CLUAP1: variants seen among roughly 807,000 people sequenced by gnomAD.
CLUAP1 encodes the protein intraflagellar transport 38, also known as clusterin-associated protein 1.
In CLUAP1, 50 loss-of-function variants were observed where a neutral mutation model predicts 55.0. That is an observed-to-expected ratio of 0.91 (90% CI 0.72 to 1.15). The LOEUF is 1.15. CLUAP1 is among the 50% of genes most tolerant of loss of function. CLUAP1 has a pLI of 0.00. For synonymous variants in CLUAP1, 195 were observed against 175.4 expected, an observed-to-expected ratio of 1.11 and a Z score of -0.88; for missense variants, 530 against 507.6, an observed-to-expected ratio of 1.04 and a Z score of -0.42.
rs2037877568 is a variant in CLUAP1 at position 3,523,367 on chromosome 16, A to AT, written c.855+72dup. On this transcript the variant is annotated intron_variant, in intron 8 of 11. Coordinates refer to ENST00000576634, the MANE Select transcript of CLUAP1 (RefSeq NM_015041.3). Reference sequence around the variant, plus strand: ...GTTATTTTGTACTGGGTGACAGGTCATTTTGTTAATATCATTGTGAAAAAA... The same window carrying AT: ...GTTATTTTGTACTGGGTGACAGGTCATTTTTGTTAATATCATTGTGAAAAAA... The AT allele has an allele frequency of 4.7e-6, 7 of 1,487,584 alleles. No homozygotes were observed. In the South Asian group the frequency reaches 9.5e-5, roughly 20 times the overall value. 92.1% of individuals were successfully genotyped at this position (1,487,584 alleles called of 1,614,324 possible).
At chr16:3,520,434 G>A (rs2037812355) in intron 7 of CLUAP1, among the ~76,000 whole-genome samples, 1 of 151,952 alleles carries the variant, frequency 6.6e-6, no homozygotes, top group Non-Finnish European at 1.5e-5. Flanking sequence ...AGAATAGAAT[G>A]TGATCTTAAC....
intron 7 of CLUAP1, among the ~76,000 whole-genome samples, chr16:3,522,873 C>T (rs1335495609): frequency 6.6e-6 from 1 of 151,900 alleles, no homozygotes; most frequent in Non-Finnish European, 1.5e-5. Context: ...AGCGCTTATA[C>T]CTGGTGATGG....
chr16:3,517,664 G>A (rs903746574), intron 6 of CLUAP1, among the ~76,000 whole-genome samples: 1 of 152,140 alleles, frequency 6.6e-6, no homozygotes, highest in Admixed American at 6.5e-5. Context: ...TCAGGGAGAA[G>A]CCTGCCAGTC....
chr16:3,536,099 C>T (rs1056496868), intron 11 of CLUAP1, 23 bp from the exon 12 acceptor site: 2 of 1,612,220 alleles, frequency 1.2e-6, no homozygotes, highest in Admixed American at 1.7e-5. Context: ...TCCCCCGTTG[C>T]ATCTGCCATT....
At position 3,530,676 on chromosome 16, in the gene CLUAP1, G is replaced by T; in HGVS notation, c.1036+1G>T. On this transcript the variant is annotated splice_donor_variant, in intron 10 of 11. Coordinates refer to ENST00000576634, the MANE Select transcript of CLUAP1 (RefSeq NM_015041.3). LOFTEE classifies it high-confidence loss of function. The stretch of plus-strand genomic sequence containing the variant: ...ACAGCCATGGAGATGCTCATGCAAG[G>T]TACCCCGGCGTCTTTCGCTGGACTT... 6.2e-7 allele frequency: 1 copy of T among 1,612,814 alleles called. No individual in the cohort carries two copies. The highest frequency in any genetic ancestry group is 2.2e-5 in the East Asian group (1 of 44,852).
At position 3,538,074 on chromosome 16, in the gene CLUAP1, AAGTC is replaced by A. The variant is rs1454084562; in HGVS notation, c.*1806_*1809del. 2 of 151,924 alleles carry A rather than the reference AAGTC, an allele frequency of 1.3e-5. No individual in the cohort carries two copies. Among genetic ancestry groups the A allele is most frequent in the Non-Finnish European group, 2.9e-5 (2 of 67,990 alleles). 9.4% of individuals were successfully genotyped at this position (151,924 alleles called of 1,614,324 possible). A position where few individuals can be genotyped will look rare whatever the true frequency, so the allele number is the denominator to read the frequency against. On this transcript the variant is annotated 3_prime_UTR_variant, in exon 12 of 12. Transcript: ENST00000576634. ...AGTTTTCACTTATTTTACAATTAAA[AAGTC>A]AGAAGACTTCTGAAGTTACTTATCT...
chr16:3,501,242 G>A (rs916071808), intron 1 of CLUAP1, among the ~76,000 whole-genome samples, 153 bp downstream of exon 1: 3 of 152,256 alleles, frequency 2.0e-5, no homozygotes, highest in African/African-American at 7.2e-5. Context: ...ACCCGCGGCT[G>A]CAACCCGGCC....
At chr16:3,500,285 G>A (rs1454712388), upstream of CLUAP1, among the ~76,000 whole-genome samples, 1 of 152,142 alleles carries the variant, frequency 6.6e-6, no homozygotes, top group African/African-American at 2.4e-5. Flanking sequence ...CAGTGATCCC[G>A]TCCTCCGCTC....
intron 6 of CLUAP1, among the ~76,000 whole-genome samples, chr16:3,519,467 G>A (rs903020810): frequency 6.6e-6 from 1 of 152,222 alleles, no homozygotes; most frequent in Non-Finnish European, 1.5e-5. Flanking sequence ...TCCCCTCCTA[G>A]TAGAGCAGTA....
chr16:3,500,775 G>T, upstream of CLUAP1: 1 of 494,920 alleles, frequency 2.0e-6, no homozygotes, highest in South Asian at 2.5e-5. Context: ...GTCACCCAGC[G>T]CGAAACGTCC....
chr16:3,532,969 G>A (rs3751836), intron 11 of CLUAP1, 128 bp downstream of exon 11: 135,920 of 1,348,538 alleles, frequency 0.1, 14,206 homozygotes, highest in African/African-American at 0.52. Context: ...GCCTCGATGC[G>A]TGGCAGGGTT....
intron 9 of CLUAP1, among the ~76,000 whole-genome samples, chr16:3,527,151 G>C (rs1481103071): frequency 6.6e-6 from 1 of 152,124 alleles, no homozygotes; most frequent in Non-Finnish European, 1.5e-5. Context: ...GAGACCGAGA[G>C]CACGAGCTGT....
chr16:3,515,554 C>A lies in CLUAP1; in HGVS notation c.542C>A (p.Thr181Asn). Residue 181 changes from threonine (T) to asparagine (N), a missense_variant, in exon 6 of 12, where the codon ACT (threonine) becomes AAT (asparagine). Physicochemically the swap from Thr to Asn is moderately conservative, Grantham distance 65. Transcript: ENST00000576634. Reference protein sequence around the residue: ...AIARPLEINETEKVMRIAIKE... With the variant: ...AIARPLEINENEKVMRIAIKE... Reference sequence around the variant, plus strand: ...GCCAGACCTCTGGAAATAAACGAGACTGAAAAAGTGATGAGAATTGCAATA... The same window carrying A: ...GCCAGACCTCTGGAAATAAACGAGAATGAAAAAGTGATGAGAATTGCAATA... 1 of 1,599,842 alleles carries A rather than the reference C, an allele frequency of 6.3e-7. No homozygotes were observed. Among genetic ancestry groups the A allele is most frequent in the Admixed American group, 1.8e-5 (1 of 55,184 alleles).
chr16:3,532,852 C>G lies in CLUAP1; in HGVS notation c.1092+11C>G, dbSNP rs760762952. The G allele has an allele frequency of 1.2e-6, 2 of 1,613,766 alleles. No homozygotes were observed. Among genetic ancestry groups the G allele is most frequent in the East Asian group, 2.2e-5 (1 of 44,894 alleles). On this transcript the variant is annotated intron_variant, in intron 11 of 11. Coordinates refer to ENST00000576634, the MANE Select transcript of CLUAP1 (RefSeq NM_015041.3). ...GACTCCGATGACAATGTAAGTCCCC[C>G]GCTCCCCTCAGTGGTTCTGTGCACT...
chr16:3,525,784 C>T (rs531909055), intron 8 of CLUAP1, among the ~76,000 whole-genome samples: 298 of 152,300 alleles, frequency 2.0e-3, no homozygotes, highest in African/African-American at 6.8e-3. Flanking sequence ...CCAGGCTGGT[C>T]TCAAACTCCT....
chr16:3,503,823 C>T (rs761397014), intron 1 of CLUAP1, among the ~76,000 whole-genome samples: 14 of 152,288 alleles, frequency 9.2e-5, no homozygotes, highest in Non-Finnish European at 1.3e-4. Flanking sequence ...TGTGACTTTG[C>T]TGTTTCCTGT....
upstream of CLUAP1, among the ~76,000 whole-genome samples, chr16:3,500,256 G>A (rs888836364): frequency 6.6e-6 from 1 of 152,342 alleles, no homozygotes; most frequent in Non-Finnish European, 1.5e-5. Flanking sequence ...CCGAGGCCTG[G>A]CCTGCCTCTG....
intron 9 of CLUAP1, among the ~76,000 whole-genome samples, chr16:3,529,294 AT>A (rs1017622134): frequency 6.9e-6 from 1 of 145,414 alleles, no homozygotes; most frequent in East Asian, 2.0e-4. Flanking sequence ...AACTTTGTAG[AT>A]TTTTTTTCCA....
At chr16:3,512,272 G>A (rs561936124) in intron 4 of CLUAP1, 111 bp from the exon 5 acceptor site, 3 of 734,562 alleles carry the variant, frequency 4.1e-6, no homozygotes, top group East Asian at 5.1e-5. Context: ...GAGGTCGGAG[G>A]GTCACTTGAG....
Sources: allele counts gnomAD v4.1 joint callset (sites outside exome capture counted in the v4.1 genomes callset), GRCh38; gene constraint gnomAD v4.1.1; transcripts MANE v1.5; gene names NCBI Gene and HGNC (gene_info 2026-07-23, HGNC 2026-07-21).